The following MAGI3 variants were observed in gnomAD, a reference collection of about 807,000 sequenced individuals.
MAGI3 encodes membrane associated guanylate kinase, WW and PDZ domain containing 3.
Under a neutral mutation model 121.8 loss-of-function variants are expected in MAGI3, and 43 were observed. The observed-to-expected ratio is 0.35, with a 90% CI of 0.28 to 0.46. The LOEUF (loss-of-function observed/expected upper bound fraction) is 0.46. Among genes scored for constraint, MAGI3 ranks in the 20% least tolerant of loss-of-function variants. The pLI is 1.00. For synonymous variants in MAGI3, 553 were observed against 639.3 expected (o/e 0.86, Z 2.04); for missense variants, 1,547 against 1,797.3 (o/e 0.86, Z 2.52).
intron 8 of MAGI3, 126 bp downstream of exon 8, chr1:113,619,956 G>A (rs1650719555): frequency 3.4e-6 from 2 of 587,374 alleles, no homozygotes; most frequent in Non-Finnish European, 6.1e-6. Flanking sequence ...AGTTGTTACT[G>A]TAAAGATATG....
intron 1 of MAGI3, among the ~76,000 whole-genome samples, chr1:113,464,993 A>G (rs1321695644): frequency 6.6e-6 from 1 of 152,052 alleles, no homozygotes; most frequent in Non-Finnish European, 1.5e-5. Context: ...CAGAGCTTTT[A>G]GCTTGATATA....
In MAGI3 at chr1:113,654,015, G is replaced by C; in HGVS notation, c.2626G>C (p.Gly876Arg). 6.2e-7 allele frequency: 1 copy of C among 1,612,078 alleles called. No individual in the cohort carries two copies. Among genetic ancestry groups the C allele is most frequent in the South Asian group, 1.1e-5 (1 of 90,814 alleles). ...ILTSKNKPPP[G>R]VIPHKIGRVI... ...CACCTCCAAAAACAAACCACCTCCA[G>C]GAGGTAAGGGCTATTGTATCTTATT... Residue 876 changes from glycine (G) to arginine (R), a missense_variant, in exon 15 of 21, where the codon GGA (glycine) becomes CGA (arginine). Gly to Arg is a moderately radical substitution (Grantham distance 125, BLOSUM62 -2). Coordinates refer to ENST00000307546, the MANE Select transcript of MAGI3 (RefSeq NM_001142782.2).
chr1:113,590,400 A>T lies in MAGI3; in HGVS notation c.764-84A>T, dbSNP rs541107638. 430 of 1,399,208 alleles carry T rather than the reference A, an allele frequency of 3.1e-4. 4 individuals carry two copies. In the South Asian group the frequency reaches 5.3e-3, roughly 17 times the overall value. The allele number at this position is 1,399,208 out of a possible 1,614,324, so 86.7% of individuals were successfully genotyped here. ...AATTTGCCATATTTATGTATTTGGA[A>T]TTTTTTTAGAAAGGAAAGGTGCTGT... On this transcript the variant is annotated intron_variant, in intron 4 of 20. Coordinates refer to ENST00000307546, the MANE Select transcript of MAGI3 (RefSeq NM_001142782.2).
chr1:113,649,480 A>T (rs1226253315), intron 13 of MAGI3, 152 bp downstream of exon 13: 2 of 558,174 alleles, frequency 3.6e-6, no homozygotes, highest in African/African-American at 3.8e-5. Flanking sequence ...ATAGTCCCTC[A>T]GTTATTGTGG....
intron 9 of MAGI3, among the ~76,000 whole-genome samples, chr1:113,640,430 C>T (rs1282154142): frequency 4.6e-5 from 7 of 152,084 alleles, no homozygotes; most frequent in African/African-American, 9.7e-5. Flanking sequence ...CACATGCACA[C>T]GTATGTTTAT....
intron 1 of MAGI3, among the ~76,000 whole-genome samples, chr1:113,537,785 G>C (rs1032488705): frequency 6.6e-6 from 1 of 152,028 alleles, no homozygotes; most frequent in African/African-American, 2.4e-5. Flanking sequence ...TTGTAAAAGT[G>C]ACTTATATTG....
At chr1:113,572,279 T>C (rs769508555) in intron 2 of MAGI3, among the ~76,000 whole-genome samples, 3 of 152,254 alleles carry the variant, frequency 2.0e-5, no homozygotes, top group Non-Finnish European at 4.4e-5. Flanking sequence ...TTCTATGTGC[T>C]GCTGGATTCA....
intron 1 of MAGI3, among the ~76,000 whole-genome samples, chr1:113,472,302 AC>A (rs1655580679): frequency 1.3e-5 from 2 of 150,784 alleles, no homozygotes; most frequent in Non-Finnish European, 2.9e-5. Context: ...TCCCGGGTTC[AC>A]GCCATTCTCC....
chr1:113,469,577 C>T (rs1051866924), intron 1 of MAGI3, among the ~76,000 whole-genome samples: 1 of 150,712 alleles, frequency 6.6e-6, no homozygotes, highest in Non-Finnish European at 1.5e-5. Context: ...TTTTTCAGCT[C>T]TGGGAAAAGT....
chr1:113,399,542 A>G (rs1349290854), intron 1 of MAGI3, among the ~76,000 whole-genome samples: 1 of 152,160 alleles, frequency 6.6e-6, no homozygotes, highest in Non-Finnish European at 1.5e-5. Flanking sequence ...TATTGGCTGT[A>G]AACCAAAACT....
chr1:113,641,033 T>TATATAATATATATGATATATTATATATG (rs1652456551), intron 9 of MAGI3, among the ~76,000 whole-genome samples: 1 of 12,384 alleles, frequency 8.1e-5, no homozygotes, highest in Non-Finnish European at 2.0e-4. Context: ...ATATATATGA[T>TATATAATATATATGATATATTATATATG]ATATATAATA....
In MAGI3 at chr1:113,629,759, T is replaced by C. The variant is rs13375792; in HGVS notation, c.1360+6765T>C. ...CTCTCTCTCTCTCTCTCTCTCTCTC[T>C]CTCCCTCCCTCCCTCCCTCCCTCCC... On this transcript the variant is annotated intron_variant, in intron 9 of 20. Transcript: ENST00000307546. 8.8e-3 allele frequency among the ~76,000 whole-genome samples: 708 copies of C among 80,346 alleles called. 1 individual carries two copies. In the East Asian group the frequency reaches 0.13, roughly 15 times the overall value. 52.7% of individuals were successfully genotyped at this position (80,346 alleles called of 152,430 possible). A position where few individuals can be genotyped will look rare whatever the true frequency, so the allele number is the denominator to read the frequency against.
At chr1:113,681,043 C>T (rs1015959740) in intron 19 of MAGI3, among the ~76,000 whole-genome samples, 155 bp from the exon 20 acceptor site, 4 of 152,110 alleles carry the variant, frequency 2.6e-5, no homozygotes, top group Admixed American at 6.6e-5. Flanking sequence ...CATCTGTCCT[C>T]TCATCAACTC....
At chr1:113,397,980 G>A (rs1651204808) in intron 1 of MAGI3, among the ~76,000 whole-genome samples, 1 of 152,102 alleles carries the variant, frequency 6.6e-6, no homozygotes, top group South Asian at 2.1e-4. Flanking sequence ...TACAGCCACA[G>A]CCGACTGGCT....
At chr1:113,509,656 T>A (rs1450620107) in intron 1 of MAGI3, among the ~76,000 whole-genome samples, 9 of 119,690 alleles carry the variant, frequency 7.5e-5, no homozygotes, top group African/African-American at 2.6e-4. Context: ...TCTCCAGATT[T>A]AAAAAAATAG....
chr1:113,477,935 CT>C (rs938336321), intron 1 of MAGI3, among the ~76,000 whole-genome samples: 6 of 152,138 alleles, frequency 3.9e-5, no homozygotes, highest in Non-Finnish European at 5.9e-5. Context: ...TCTTTTTACT[CT>C]TTTTTCTCTA....
At chr1:113,437,838 T>C (rs1343243916) in intron 1 of MAGI3, among the ~76,000 whole-genome samples, 25 of 48,166 alleles carry the variant, frequency 5.2e-4, no homozygotes, top group South Asian at 9.5e-4. Context: ...TTCTTCTTCT[T>C]CTTCTTCTTC....
chr1:113,582,342 G>A (rs1029538601), intron 3 of MAGI3, among the ~76,000 whole-genome samples: 2 of 152,008 alleles, frequency 1.3e-5, no homozygotes, highest in African/African-American at 2.4e-5. Flanking sequence ...GGGAATATTT[G>A]TTATAGTGTG....
intron 4 of MAGI3, among the ~76,000 whole-genome samples, chr1:113,589,724 T>TA (rs1236344005): frequency 2.6e-5 from 4 of 152,090 alleles, no homozygotes; most frequent in Non-Finnish European, 4.4e-5. Flanking sequence ...TTGAAGTTGT[T>TA]ATAGTGATAT....
Sources: gnomAD v4.1 joint callset for allele counts (sites outside exome capture counted in the v4.1 genomes callset) on GRCh38, gnomAD v4.1.1 for gene constraint, MANE v1.5 for transcripts, NCBI Gene and HGNC (gene_info 2026-07-23, HGNC 2026-07-21) for gene names.